The following NAGPA variants were observed in gnomAD, a reference collection of about 807,000 sequenced individuals.
NAGPA encodes the protein alpha-N-acetylglucosaminyl phosphodiesterase.
A neutral mutation model predicts 48.5 loss-of-function variants in NAGPA; 56 were observed. The ratio of observed to expected loss-of-function variants is 1.15; its 90% CI spans 0.93 to 1.44. The LOEUF is 1.44. NAGPA is among the 40% of genes most tolerant of loss of function. The probability of loss-of-function intolerance (pLI) is 0.00; values close to 1 mark genes in which losing one functional copy is unlikely to be tolerated. For missense variants in NAGPA, 888 were observed against 735.0 expected (o/e 1.21, Z -2.41); for synonymous variants, 399 against 315.5 (o/e 1.26, Z -2.81).
chr16:5,027,519 T>C, intron 7 of NAGPA, 140 bp from the exon 8 acceptor site: 1 of 887,782 alleles, frequency 1.1e-6, no homozygotes, highest in African/African-American at 1.7e-5. Context: ...CCCCCTGCCC[T>C]CCCTGGACTA....
At position 5,025,649 on chromosome 16, in the gene NAGPA, G is replaced by T. The variant is rs754312261; in HGVS notation, c.1377C>A (p.Phe459Leu). ...TTGCTGCAGTGCTGATCAGCAGGAG[G>T]AAGGCCAGCGCCAGGGTGAGGGCTA... The part of the protein sequence containing the change: ...AWLALTLALA[F>L]LLLISTAANL... Residue 459 changes from phenylalanine (F) to leucine (L), a missense_variant, in exon 10 of 10, where the codon TTC becomes TTA. Phe to Leu is a conservative substitution (Grantham distance 22, BLOSUM62 0). Coordinates refer to ENST00000312251, the MANE Select transcript of NAGPA (RefSeq NM_016256.4). 1 of 1,613,244 alleles carries T rather than the reference G, an allele frequency of 6.2e-7. No individual in the cohort carries two copies. The highest frequency in any genetic ancestry group is 8.5e-7 in the Non-Finnish European group (1 of 1,179,824).
At chr16:5,026,415 TC>T (rs1956002042) in intron 9 of NAGPA, among the ~76,000 whole-genome samples, 1 of 151,632 alleles carries the variant, frequency 6.6e-6, no homozygotes, top group Non-Finnish European at 1.5e-5. Context: ...GCACCTGTAA[TC>T]CCAGCTACTC....
intron 3 of NAGPA, chr16:5,031,323 G>C (rs1956093071): frequency 7.4e-6 from 2 of 271,006 alleles, no homozygotes; most frequent in South Asian, 4.0e-5. Context: ...GTCGGTCAGA[G>C]TCACCATGGA....
At chr16:5,030,836 G>A (rs1193903759) in intron 3 of NAGPA, among the ~76,000 whole-genome samples, 1 of 152,038 alleles carries the variant, frequency 6.6e-6, no homozygotes, top group Non-Finnish European at 1.5e-5. Flanking sequence ...CAGCCACTTT[G>A]CACTTCCTGT....
chr16:5,027,839 C>T lies in NAGPA; in HGVS notation c.1174+7G>A, dbSNP rs2937111. On this transcript the variant is annotated splice_region_variant and intron_variant, in intron 7 of 9. Coordinates refer to ENST00000312251, the MANE Select transcript of NAGPA (RefSeq NM_016256.4). Reference sequence around the variant, plus strand: ...TCCCCATCCGCTAGTGGCGTGGCAGCTCCTACCTTCACTGCAGTTGGACCC... The same window carrying T: ...TCCCCATCCGCTAGTGGCGTGGCAGTTCCTACCTTCACTGCAGTTGGACCC... The T allele has an allele frequency of 6.4e-7, 1 of 1,555,986 alleles. No homozygotes were observed. The highest frequency in any genetic ancestry group is 1.4e-5 in the African/African-American group (1 of 73,376).
At chr16:5,025,736 G>C (rs778646886) in intron 9 of NAGPA, 51 bp from the exon 10 acceptor site, 1 of 1,542,042 alleles carries the variant, frequency 6.5e-7, no homozygotes, top group Non-Finnish European at 8.8e-7. Context: ...TGGGCTCAGG[G>C]CTTGGGTAGC....
At chr16:5,026,966 G>C (rs1956012058) in intron 9 of NAGPA, among the ~76,000 whole-genome samples, 169 bp downstream of exon 9, 1 of 152,152 alleles carries the variant, frequency 6.6e-6, no homozygotes, top group South Asian at 2.1e-4. Context: ...GAAGGCCCTG[G>C]GCTCTGCTCC....
At position 5,033,729 on chromosome 16, in the gene NAGPA, CTGCGGGGACGGGCGGCCG is replaced by C. The variant is rs754615686; in HGVS notation, c.87-19_87-2del. On this transcript the variant is annotated splice_acceptor_variant and splice_polypyrimidine_tract_variant and intron_variant, in intron 1 of 9. Transcript: ENST00000312251. LOFTEE classifies it high-confidence loss of function. This position sits in a 1 kb window ranked among gnomAD's most constrained non-coding sequence, Gnocchi z 4.2. ...TAGCAAGTCGTCGTCGCGGGAGGCCCTGCGGGGACGGGCGGCCGTGAGCTCAGGGGGCTGTCCTCGTGA... is the reference window on the plus strand; with the variant it reads ...TAGCAAGTCGTCGTCGCGGGAGGCCCTGAGCTCAGGGGGCTGTCCTCGTGA... 1 of 1,603,544 alleles carries C rather than the reference CTGCGGGGACGGGCGGCCG, an allele frequency of 6.2e-7. No individual in the cohort carries two copies. Among genetic ancestry groups the C allele is most frequent in the South Asian group, 1.1e-5 (1 of 90,034 alleles).
chr16:5,027,717 G>C, intron 7 of NAGPA, 129 bp downstream of exon 7: 11 of 1,362,232 alleles, frequency 8.1e-6, no homozygotes, highest in Non-Finnish European at 1.1e-5. Flanking sequence ...ATGTGCAGGT[G>C]AGGCCGGGGC....
At position 5,030,684 on chromosome 16, in the gene NAGPA, G is replaced by A. The variant is rs1046201744; in HGVS notation, c.683-191C>T. 1.4e-5 allele frequency: 9 copies of A among 648,110 alleles called. No homozygotes were observed. In the African/African-American group the frequency reaches 1.6e-4, roughly 12 times the overall value. The allele number at this position is 648,110 out of a possible 1,614,324, so 40.1% of individuals were successfully genotyped here. ...GCAGCCGGGGGGTCTCTTCTTACAGGTAAACCAAGCTATGCCAGCCTCCAG... is the reference window on the plus strand; with the variant it reads ...GCAGCCGGGGGGTCTCTTCTTACAGATAAACCAAGCTATGCCAGCCTCCAG... On this transcript the variant is annotated intron_variant, in intron 3 of 9. Transcript: ENST00000312251.
At chr16:5,031,528 G>C (rs1340843943) in intron 3 of NAGPA, 2 of 628,632 alleles carry the variant, frequency 3.2e-6, no homozygotes, top group African/African-American at 3.7e-5. Context: ...TTTTGTTTCT[G>C]AGCACTTATC....
At position 5,028,146 on chromosome 16, in the gene NAGPA, G is replaced by T. The variant is rs746656740; in HGVS notation, c.960C>A (p.Thr320=). 6.3e-7 allele frequency: 1 copy of T among 1,590,210 alleles called. No individual in the cohort carries two copies. Among genetic ancestry groups the T allele is most frequent in the Admixed American group, 1.8e-5 (1 of 55,772 alleles). Residue 320 remains threonine (T), a synonymous_variant, in exon 6 of 10, where the codon ACC becomes ACA. Transcript: ENST00000312251. ...AGCGGGGTTCGTGCACACACACCAC[G>T]GTGGACACTTGGCGGGGACAGCGCC... ...NMWRCPRQVS[T]VVCVHEPRCQ... is the part of the protein sequence containing the mutation.
chr16:5,025,363 C>T lies in NAGPA; in HGVS notation c.*115G>A. The stretch of plus-strand genomic sequence containing the variant: ...TGCTATCAGGAACTTGGCTGCCCCA[C>T]AGGGGCTGAGGACACCCAGATGGTC... On this transcript the variant is annotated 3_prime_UTR_variant, in exon 10 of 10. Transcript: ENST00000312251. 1 of 1,311,322 alleles carries T rather than the reference C, an allele frequency of 7.6e-7. No homozygotes were observed. Among genetic ancestry groups the T allele is most frequent in the Non-Finnish European group, 1.1e-6 (1 of 941,942 alleles). 81.2% of individuals were successfully genotyped at this position (1,311,322 alleles called of 1,614,324 possible).
chr16:5,027,678 C>T (rs942486780), intron 7 of NAGPA, among the ~76,000 whole-genome samples, 168 bp downstream of exon 7: 10 of 152,164 alleles, frequency 6.6e-5, no homozygotes, highest in Admixed American at 2.6e-4. Context: ...TGGAACGGGC[C>T]GCAGCAGCCA....
chr16:5,025,429 C>G lies in NAGPA; in HGVS notation c.*49G>C, dbSNP rs769176277. Reference sequence around the variant, plus strand: ...GAAATTTCCCCTGCAGAAGCCAGACCGTGGGGAAACAAGCTTTCGCGACGT... The same window carrying G: ...GAAATTTCCCCTGCAGAAGCCAGACGGTGGGGAAACAAGCTTTCGCGACGT... On this transcript the variant is annotated 3_prime_UTR_variant, in exon 10 of 10. Transcript: ENST00000312251. 3.4e-5 allele frequency: 54 copies of G among 1,601,742 alleles called. No homozygotes were observed. Among genetic ancestry groups the G allele is most frequent in the Non-Finnish European group, 4.5e-5 (53 of 1,172,708 alleles).
chr16:5,028,182 C>T lies in NAGPA; in HGVS notation c.924G>A (p.Gln308=), dbSNP rs1465561415. The T allele has an allele frequency of 6.4e-7, 1 of 1,559,018 alleles. No homozygotes were observed. The highest frequency in any genetic ancestry group is 1.7e-4 in the Middle Eastern group (1 of 5,998). The stretch of plus-strand genomic sequence containing the variant: ...GGCGGGGACAGCGCCACATGTTGTC[C>T]TGGCTGTAGAGGGATGTGATGTGTG... The part of the protein sequence containing the change: ...TLASYPSDHC[Q]DNMWRCPRQV... Residue 308 remains glutamine, a synonymous_variant, in exon 6 of 10, where the codon CAG becomes CAA. Coordinates refer to ENST00000312251, the MANE Select transcript of NAGPA (RefSeq NM_016256.4).
chr16:5,029,444 A>C, intron 4 of NAGPA: 1 of 290,378 alleles, frequency 3.4e-6, no homozygotes, highest in Non-Finnish European at 6.7e-6. Flanking sequence ...AGGGAAACCA[A>C]GACCTCAGTC....
At chr16:5,029,168 G>T in intron 4 of NAGPA, 160 bp from the exon 5 acceptor site, 3 of 1,188,842 alleles carry the variant, frequency 2.5e-6, no homozygotes, top group Non-Finnish European at 3.6e-6. Context: ...CGGAAGCTGT[G>T]AACACGTGAG....
chr16:5,033,354 C>G lies in NAGPA; in HGVS notation c.461G>C (p.Ser154Thr). 1 of 1,598,098 alleles carries G rather than the reference C, an allele frequency of 6.3e-7. No individual in the cohort carries two copies. Residue 154 changes from serine to threonine, a missense_variant, in exon 2 of 10, where the codon AGC becomes ACC. Physicochemically the swap from Ser to Thr is moderately conservative, Grantham distance 58. Transcript: ENST00000312251. The surrounding 1 kb of genome is among the most constrained non-coding windows in gnomAD (Gnocchi z 4.2). ...GGAGCTGCTCACCCGCCGCTCGTCG[C>G]TCACCACGTTCCCCAGGCACTCGCC... Reference protein sequence around the residue: ...NSGECLGNVVSDERRVSSSGG... With the variant: ...NSGECLGNVVTDERRVSSSGG...
Sources: gnomAD v4.1 joint callset for allele counts (sites outside exome capture counted in the v4.1 genomes callset) on GRCh38, gnomAD v4.1.1 for gene constraint, Gnocchi (gnomAD v3.1) non-coding constraint, MANE v1.5 for transcripts, NCBI Gene and HGNC (gene_info 2026-07-23, HGNC 2026-07-21) for gene names.